The following VWA8 variants were observed in gnomAD, a reference collection of about 807,000 sequenced individuals.
The protein encoded by VWA8 is von Willebrand factor A domain containing 8.
VWA8 carries 221 observed loss-of-function variants against 241.5 expected under a neutral mutation model. The ratio of observed to expected loss-of-function variants is 0.91; its 90% CI spans 0.82 to 1.02. The LOEUF (loss-of-function observed/expected upper bound fraction) is 1.02. Ranked by LOEUF, VWA8 falls within the 50% of genes least tolerant of loss-of-function variation. The pLI is 0.00. For synonymous variants in VWA8, 852 were observed against 827.1 expected, an observed-to-expected ratio of 1.03 and a Z score of -0.52; for missense variants, 2,322 against 2,328.7, an observed-to-expected ratio of 1.00 and a Z score of 0.06.
At chr13:41,863,425 G>GCATATA (rs1566485389) in intron 12 of VWA8, among the ~76,000 whole-genome samples, 1 of 67,246 alleles carries the variant, frequency 1.5e-5, no homozygotes, top group Non-Finnish European at 2.9e-5. Context: ...GTGTGTGTGT[G>GCATATA]TGTGTGTGTA....
intron 43 of VWA8, among the ~76,000 whole-genome samples, chr13:41,575,279 G>A (rs1010828624): frequency 6.6e-6 from 1 of 152,016 alleles, no homozygotes; most frequent in Non-Finnish European, 1.5e-5. Flanking sequence ...TTCTCAGGGG[G>A]GTGAGGGATA....
At chr13:41,569,180 T>C (rs1007759187) in intron 44 of VWA8, among the ~76,000 whole-genome samples, 3 of 152,236 alleles carry the variant, frequency 2.0e-5, no homozygotes, top group Admixed American at 1.3e-4. Flanking sequence ...TTCTGCAACA[T>C]ATCTTTTGCC....
chr13:41,701,968 A>T (rs1034491171), intron 27 of VWA8, among the ~76,000 whole-genome samples: 1 of 152,356 alleles, frequency 6.6e-6, no homozygotes, highest in Middle Eastern at 3.4e-3. Context: ...GTAATGGTTA[A>T]ACCTGGGTAT....
intron 16 of VWA8, among the ~76,000 whole-genome samples, chr13:41,813,898 G>A (rs1193689583): frequency 1.1e-4 from 17 of 151,876 alleles, no homozygotes; most frequent in Admixed American, 7.9e-4. Flanking sequence ...AAAGGGGGGC[G>A]GTGAAGATAT....
chr13:41,794,973 C>A (rs976449796), intron 17 of VWA8, among the ~76,000 whole-genome samples: 5 of 152,072 alleles, frequency 3.3e-5, no homozygotes, highest in Admixed American at 3.3e-4. Flanking sequence ...AACTAAAGAG[C>A]TTCTGCACAG....
chr13:41,777,906 T>A, intron 20 of VWA8, 79 bp downstream of exon 20: 2 of 1,263,674 alleles, frequency 1.6e-6, no homozygotes, highest in Non-Finnish European at 2.2e-6. Context: ...AATAACTGAT[T>A]CCAACAAGAA....
intron 17 of VWA8, among the ~76,000 whole-genome samples, chr13:41,804,771 G>A (rs1018978832): frequency 6.6e-6 from 1 of 152,098 alleles, no homozygotes; most frequent in African/African-American, 2.4e-5. Flanking sequence ...GAAAAAGTGG[G>A]TGGACAAAGT....
At chr13:41,662,391 T>C (rs2044956017) in intron 37 of VWA8, among the ~76,000 whole-genome samples, 1 of 152,144 alleles carries the variant, frequency 6.6e-6, no homozygotes, top group Admixed American at 6.5e-5. Flanking sequence ...ATTTCATTTT[T>C]AGAGAAAGTT....
rs747100636 is a variant in VWA8 at position 41,685,217 on chromosome 13, T to C, written c.4157A>G (p.Lys1386Arg). 6.2e-7 allele frequency: 1 copy of C among 1,612,566 alleles called. No individual in the cohort carries two copies. The highest frequency in any genetic ancestry group is 8.5e-7 in the Non-Finnish European group (1 of 1,179,450). Residue 1386 changes from lysine (K) to arginine (R), a missense_variant, in exon 35 of 45, where the codon AAG becomes AGG. By Grantham distance (26) the Lys-to-Arg change is conservative. Transcript: ENST00000379310. ...TCGTTTATGCAAAGATGATGGTCTC[T>C]TCCAAGAATAAACTTCACTGGGTGA... Reference protein sequence around the residue: ...LMSPSEVYSWKRPSSLHKRSG... With the variant: ...LMSPSEVYSWRRPSSLHKRSG...
chr13:41,858,011 C>T (rs1308118140), intron 12 of VWA8, among the ~76,000 whole-genome samples: 1 of 152,160 alleles, frequency 6.6e-6, no homozygotes, highest in East Asian at 1.9e-4. Flanking sequence ...GTCTTCCTTA[C>T]TCAGACTGGA....
At chr13:41,772,472 A>AC (rs71096542) in intron 20 of VWA8, among the ~76,000 whole-genome samples, 103,222 of 152,042 alleles carry the variant, frequency 0.68, 37,205 homozygotes, top group South Asian at 0.83. Flanking sequence ...AAACAAAAAA[A>AC]AAATCAGCAT....
chr13:41,929,806 G>A (rs946913596), intron 2 of VWA8, among the ~76,000 whole-genome samples: 2 of 152,082 alleles, frequency 1.3e-5, no homozygotes, highest in African/African-American at 2.4e-5. Flanking sequence ...AAAAGCTCCT[G>A]GACATTGGCC....
chr13:41,652,416 T>C (rs182173720), intron 37 of VWA8, among the ~76,000 whole-genome samples: 2 of 152,290 alleles, frequency 1.3e-5, no homozygotes, highest in South Asian at 2.1e-4. Context: ...AGCAATAATA[T>C]ATACACCTGA....
At chr13:41,795,035 AT>A (rs1410103907) in intron 17 of VWA8, among the ~76,000 whole-genome samples, 14 of 152,120 alleles carry the variant, frequency 9.2e-5, no homozygotes, top group Non-Finnish European at 1.9e-4. Flanking sequence ...TGGGAAAAAA[AT>A]TTTGCAATCT....
rs367804737 is a variant in VWA8 at position 41,685,038 on chromosome 13, C to T, written c.4327+9G>A. The T allele has an allele frequency of 3.9e-5, 63 of 1,609,768 alleles. No homozygotes were observed. In the African/African-American group the frequency reaches 7.8e-4, roughly 20 times the overall value. On this transcript the variant is annotated intron_variant, in intron 35 of 44. Coordinates refer to ENST00000379310, the MANE Select transcript of VWA8 (RefSeq NM_015058.2). ...TTTGTAAATTAGGAATTGGTGAGTTCCTTCTTACCTTTTGGGTAGATATCT... is the reference window on the plus strand; with the variant it reads ...TTTGTAAATTAGGAATTGGTGAGTTTCTTCTTACCTTTTGGGTAGATATCT...
rs562113727 is a variant in VWA8, at chr13:41,817,511, G to A, written c.1870-736C>T. 2.0e-5 allele frequency among the ~76,000 whole-genome samples: 3 copies of A among 152,254 alleles called. No homozygotes were observed. In the East Asian group the frequency reaches 5.8e-4, roughly 29 times the overall value. ...AGTGTCACAATTTTAGAAGAATACT[G>A]CTTAGGGTTTCATTGGTCATTTAAG... is the stretch of plus-strand genomic sequence containing the variant. On this transcript the variant is annotated intron_variant, in intron 15 of 44. Transcript: ENST00000379310.
In VWA8 at chr13:41,805,266, CTATAAT is replaced by C. The variant is rs1284405471; in HGVS notation, c.2063+5953_2063+5958del. Among the ~76,000 whole-genome samples, 4 of 152,154 alleles carry C rather than the reference CTATAAT, an allele frequency of 2.6e-5. No homozygotes were observed. In the East Asian group the frequency reaches 5.8e-4, roughly 22 times the overall value. Reference sequence around the variant, plus strand: ...CAAACAAAAGAAAAACCAGGAGTCACTATAATTATATCAGACAAAATAGACTTCAAG... The same window carrying C: ...CAAACAAAAGAAAAACCAGGAGTCACTATATCAGACAAAATAGACTTCAAG... On this transcript the variant is annotated intron_variant, in intron 17 of 44. Coordinates refer to ENST00000379310, the MANE Select transcript of VWA8 (RefSeq NM_015058.2).
chr13:41,836,996 C>T (rs1023372597), intron 12 of VWA8, among the ~76,000 whole-genome samples: 1 of 151,620 alleles, frequency 6.6e-6, no homozygotes, highest in Non-Finnish European at 1.5e-5. Flanking sequence ...TTAGAAAGAG[C>T]CATTCTTCAT....
chr13:41,596,711 T>C (rs1566381323), intron 40 of VWA8, among the ~76,000 whole-genome samples: 1 of 151,644 alleles, frequency 6.6e-6, no homozygotes, highest in Non-Finnish European at 1.5e-5. Flanking sequence ...AAAGAATACT[T>C]AGACTCACTG....
Sources: gnomAD v4.1 joint callset for allele counts (sites outside exome capture counted in the v4.1 genomes callset) on GRCh38, gnomAD v4.1.1 for gene constraint, MANE v1.5 for transcripts, NCBI Gene and HGNC (gene_info 2026-07-23, HGNC 2026-07-21) for gene names.